MCF2L2: variants seen among roughly 807,000 people sequenced by gnomAD.
MCF2L2 encodes the protein MCF.2 cell line derived transforming sequence-like 2.
Under a neutral mutation model 150.2 loss-of-function variants are expected in MCF2L2, and 102 were observed. The ratio of observed to expected loss-of-function variants is 0.68; its 90% CI spans 0.58 to 0.80. The LOEUF is 0.80. Ranked by LOEUF, MCF2L2 falls within the 30% of genes least tolerant of loss-of-function variation. MCF2L2 has a pLI of 0.00. For synonymous variants in MCF2L2, 465 were observed against 491.3 expected (o/e 0.95, Z 0.71); for missense variants, 1,256 against 1,372.8 (o/e 0.91, Z 1.34).
chr3:183,312,607 A>C (rs540231916), intron 7 of MCF2L2, among the ~76,000 whole-genome samples: 1 of 152,332 alleles, frequency 6.6e-6, no homozygotes, highest in South Asian at 2.1e-4. Flanking sequence ...CTTCTAAAAC[A>C]AATCAAGGGA....
chr3:183,402,234 G>C (rs1714793318), intron 1 of MCF2L2, among the ~76,000 whole-genome samples: 1 of 151,690 alleles, frequency 6.6e-6, no homozygotes, highest in Non-Finnish European at 1.5e-5. Context: ...ACGAGGTCAG[G>C]AGATCAAGAC....
intron 1 of MCF2L2, among the ~76,000 whole-genome samples, chr3:183,426,275 C>T (rs1019473084): frequency 3.3e-5 from 5 of 152,292 alleles, no homozygotes; most frequent in South Asian, 2.1e-4. Flanking sequence ...CAAGAAGAGC[C>T]TGCTCCAGAG....
intron 3 of MCF2L2, among the ~76,000 whole-genome samples, chr3:183,365,871 C>A (rs1712491800): frequency 6.6e-6 from 1 of 151,646 alleles, no homozygotes; most frequent in South Asian, 2.1e-4. Flanking sequence ...GCTAATACAC[C>A]AATTACATAA....
intron 2 of MCF2L2, among the ~76,000 whole-genome samples, chr3:183,383,145 G>GA (rs2108591331): frequency 6.6e-6 from 1 of 152,114 alleles, no homozygotes; most frequent in South Asian, 2.1e-4. Flanking sequence ...TAATTTAAGT[G>GA]AAAAATCCAT....
At chr3:183,317,734 A>G (rs1729657338) in intron 7 of MCF2L2, among the ~76,000 whole-genome samples, 1 of 152,110 alleles carries the variant, frequency 6.6e-6, no homozygotes, top group African/African-American at 2.4e-5. Flanking sequence ...CGAGAGGGCA[A>G]CCCTTGAAAG....
intron 2 of MCF2L2, among the ~76,000 whole-genome samples, chr3:183,383,957 A>G: frequency 6.6e-6 from 1 of 152,182 alleles, no homozygotes; most frequent in South Asian, 2.1e-4. Context: ...TTTAAGAAGC[A>G]CTATGCTCCT....
intron 3 of MCF2L2, among the ~76,000 whole-genome samples, chr3:183,365,525 G>T (rs945804688): frequency 6.6e-6 from 1 of 152,152 alleles, no homozygotes; most frequent in Non-Finnish European, 1.5e-5. Context: ...AGGCACAGAT[G>T]GACTTTTAAA....
chr3:183,343,476 T>A (rs1020606214), intron 3 of MCF2L2, among the ~76,000 whole-genome samples: 1 of 151,956 alleles, frequency 6.6e-6, no homozygotes, highest in Non-Finnish European at 1.5e-5. Flanking sequence ...GTTCAAGTGA[T>A]TCTCCTACCT....
chr3:183,345,134 T>A (rs1348649708), intron 3 of MCF2L2, among the ~76,000 whole-genome samples: 1 of 152,164 alleles, frequency 6.6e-6, no homozygotes, highest in Non-Finnish European at 1.5e-5. Context: ...CAGCACCACA[T>A]AGCACTTATT....
At chr3:183,273,000 T>A (rs904455214) in intron 15 of MCF2L2, 28 of 1,480,564 alleles carry the variant, frequency 1.9e-5, no homozygotes, top group Non-Finnish European at 2.4e-5. Context: ...ACTTCCTTTT[T>A]TTCTAAGAAG....
chr3:183,398,186 C>A (rs1214755686), intron 1 of MCF2L2, among the ~76,000 whole-genome samples: 1 of 152,220 alleles, frequency 6.6e-6, no homozygotes, highest in Non-Finnish European at 1.5e-5. Flanking sequence ...ATCTCCCACC[C>A]ACCCCTTTAC....
At chr3:183,350,936 A>G (rs191980809) in intron 3 of MCF2L2, among the ~76,000 whole-genome samples, 1 of 151,712 alleles carries the variant, frequency 6.6e-6, no homozygotes, top group East Asian at 1.9e-4. Flanking sequence ...AGAAGTCTTC[A>G]GACTCCAAGA....
In MCF2L2 at chr3:183,370,582, G is replaced by A. The variant is rs149067332; in HGVS notation, c.275+8715C>T. On this transcript the variant is annotated intron_variant, in intron 3 of 29. Coordinates refer to ENST00000328913, the MANE Select transcript of MCF2L2 (RefSeq NM_015078.4). ...ATCTGAACAAAACAGAATAGATGACGCAAAGGCAGAACAGTGAGGAGGTAT... is the reference window on the plus strand; with the variant it reads ...ATCTGAACAAAACAGAATAGATGACACAAAGGCAGAACAGTGAGGAGGTAT... 1.8e-4 allele frequency among the ~76,000 whole-genome samples: 28 copies of A among 152,326 alleles called. No homozygotes were observed. In the East Asian group the frequency reaches 5.0e-3, roughly 27 times the overall value.
intron 3 of MCF2L2, among the ~76,000 whole-genome samples, chr3:183,354,199 G>A (rs912883385): frequency 6.6e-6 from 1 of 152,146 alleles, no homozygotes; most frequent in Non-Finnish European, 1.5e-5. Context: ...CCTGACTCTA[G>A]TACAGCGTCA....
intron 5 of MCF2L2, among the ~76,000 whole-genome samples, chr3:183,330,544 C>T (rs1020362515): frequency 1.3e-5 from 2 of 151,962 alleles, no homozygotes; most frequent in African/African-American, 4.8e-5. Context: ...GGAAGTTTTG[C>T]GTGGTGATGG....
intron 18 of MCF2L2, chr3:183,224,866 T>C (rs919925503): frequency 7.2e-5 from 11 of 152,312 alleles, no homozygotes; most frequent in African/African-American, 2.4e-4. Context: ...CAACCTGTAT[T>C]CTCATGGTAT....
intron 3 of MCF2L2, among the ~76,000 whole-genome samples, chr3:183,370,693 C>A (rs1712821400): frequency 1.3e-5 from 2 of 152,196 alleles, no homozygotes; most frequent in Admixed American, 6.5e-5. Context: ...TAACATCAGA[C>A]CCCTAGTTTT....
intron 3 of MCF2L2, chr3:183,373,625 T>C (rs1278366957): frequency 1.3e-5 from 2 of 152,098 alleles, no homozygotes; most frequent in Non-Finnish European, 2.9e-5. Flanking sequence ...CTCTCATCCC[T>C]GGCTGCACAT....
chr3:183,288,666 G>C (rs1039641847), intron 14 of MCF2L2, among the ~76,000 whole-genome samples: 1 of 151,952 alleles, frequency 6.6e-6, no homozygotes, highest in Admixed American at 6.6e-5. Flanking sequence ...ATTTTTAGTA[G>C]AGACAAGGTT....
Sources: gnomAD v4.1 joint callset for allele counts (sites outside exome capture counted in the v4.1 genomes callset) on GRCh38, gnomAD v4.1.1 for gene constraint, MANE v1.5 for transcripts, NCBI Gene and HGNC (gene_info 2026-07-23, HGNC 2026-07-21) for gene names.